GALNT14: variants seen among roughly 807,000 people sequenced by gnomAD.
GALNT14 encodes the protein polypeptide N-acetylgalactosaminyltransferase 14, also known as UDP-GalNAc:polypeptide N-acetylgalactosaminyltransferase 14.
Under a neutral mutation model 77.5 loss-of-function variants are expected in GALNT14, and 60 were observed. That is an observed-to-expected ratio of 0.77 (90% confidence interval 0.63 to 0.96). The LOEUF is 0.96. GALNT14 is among the 40% of genes least tolerant of loss of function. The probability of loss-of-function intolerance (pLI) is 0.00; values close to 1 mark genes in which losing one functional copy is unlikely to be tolerated. For synonymous variants in GALNT14, 280 were observed against 281.7 expected (o/e 0.99, Z 0.06); for missense variants, 710 against 731.0 (o/e 0.97, Z 0.33).
At chr2:31,055,298 T>C (rs1674140324) in intron 1 of GALNT14, among the ~76,000 whole-genome samples, 1 of 152,234 alleles carries the variant, frequency 6.6e-6, no homozygotes, top group South Asian at 2.1e-4. Context: ...TCATTTATCC[T>C]AATATTTTAA....
At chr2:31,030,256 G>C (rs2148478257) in intron 1 of GALNT14, among the ~76,000 whole-genome samples, 1 of 152,234 alleles carries the variant, frequency 6.6e-6, no homozygotes, top group South Asian at 2.1e-4. Flanking sequence ...GCCAGTGTAA[G>C]AAATGTCAGC....
intron 1 of GALNT14, among the ~76,000 whole-genome samples, chr2:31,057,024 C>T (rs1674251936): frequency 1.3e-5 from 2 of 152,006 alleles, no homozygotes; most frequent in Non-Finnish European, 1.5e-5. Flanking sequence ...CGAATTAACA[C>T]GGGAACAGAA....
At position 30,955,245 on chromosome 2, in the gene GALNT14, C is replaced by A. The variant is rs561334152; in HGVS notation, c.654+373G>T. On this transcript the variant is annotated intron_variant, in intron 6 of 14. Transcript: ENST00000349752. The stretch of plus-strand genomic sequence containing the variant: ...GGATGAAGCCTGGTTAAGTTTGCTG[C>A]CTCCTTTCTACAAAAGACACCCATA... Among the ~76,000 whole-genome samples, 189 of 152,246 alleles carry A rather than the reference C, an allele frequency of 1.2e-3. 1 individual carries two copies. Among genetic ancestry groups the A allele is most frequent in the Non-Finnish European group, 2.2e-3 (148 of 68,018 alleles).
intron 1 of GALNT14, among the ~76,000 whole-genome samples, chr2:31,071,533 A>G (rs568975333): frequency 6.6e-6 from 1 of 152,234 alleles, no homozygotes; most frequent in South Asian, 2.1e-4. Flanking sequence ...ACAGACAGGC[A>G]GGGCTCCACA....
chr2:30,916,546 G>A (rs541575088), intron 13 of GALNT14, among the ~76,000 whole-genome samples: 21 of 152,338 alleles, frequency 1.4e-4, no homozygotes, highest in Non-Finnish European at 2.2e-4. Flanking sequence ...CAATGAATGA[G>A]GAGGGGATCG....
intron 1 of GALNT14, among the ~76,000 whole-genome samples, chr2:31,011,157 A>AC (rs1452838962): frequency 3.9e-5 from 6 of 152,322 alleles, no homozygotes; most frequent in African/African-American, 1.2e-4. Flanking sequence ...TTGGGAAGTG[A>AC]CTTAACCTCT....
At chr2:31,006,491 C>T (rs1325380732) in intron 1 of GALNT14, among the ~76,000 whole-genome samples, 3 of 152,144 alleles carry the variant, frequency 2.0e-5, no homozygotes, top group East Asian at 1.9e-4. Flanking sequence ...ATGGTGCTAA[C>T]GTGACTTGGC....
At chr2:31,035,615 A>C (rs1357990317) in intron 1 of GALNT14, among the ~76,000 whole-genome samples, 6 of 40,218 alleles carry the variant, frequency 1.5e-4, no homozygotes, top group Non-Finnish European at 2.3e-4. Context: ...ACACACACAC[A>C]CCTACACACA....
At chr2:30,941,063 G>A (rs1666348975) in intron 9 of GALNT14, among the ~76,000 whole-genome samples, 1 of 152,200 alleles carries the variant, frequency 6.6e-6, no homozygotes, top group African/African-American at 2.4e-5. Flanking sequence ...GCAGAAACAG[G>A]AGAAAACAAT....
chr2:30,965,438 C>T (rs1667943337), intron 3 of GALNT14, among the ~76,000 whole-genome samples: 1 of 119,644 alleles, frequency 8.4e-6, no homozygotes, highest in Admixed American at 1.1e-4. Flanking sequence ...GGACAGATGA[C>T]TTCTGGAGGG....
chr2:31,043,986 G>A (rs4952034), intron 1 of GALNT14, among the ~76,000 whole-genome samples: 107,900 of 152,042 alleles, frequency 0.71, 38,744 homozygotes, highest in East Asian at 0.98. Context: ...GGAAGGCCCC[G>A]CCCTCTGTGC....
At chr2:30,977,020 C>A (rs1668672501) in intron 2 of GALNT14, among the ~76,000 whole-genome samples, 1 of 151,976 alleles carries the variant, frequency 6.6e-6, no homozygotes, top group African/African-American at 2.4e-5. Flanking sequence ...TCACGAGCTC[C>A]ACGAGAATGC....
chr2:30,984,574 C>T (rs1031015666), intron 2 of GALNT14, among the ~76,000 whole-genome samples: 6 of 152,132 alleles, frequency 3.9e-5, no homozygotes, highest in African/African-American at 1.4e-4. Context: ...GTATTCTCCT[C>T]CATTCCTCCC....
intron 1 of GALNT14, chr2:31,129,509 C>T (rs1297707848): frequency 7.1e-6 from 7 of 985,346 alleles, no homozygotes; most frequent in Non-Finnish European, 8.4e-6. Flanking sequence ...AATTGGCCAT[C>T]TATTAATAGC....
chr2:30,927,571 G>C (rs1213201083), intron 11 of GALNT14, among the ~76,000 whole-genome samples: 1 of 152,214 alleles, frequency 6.6e-6, no homozygotes, highest in Non-Finnish European at 1.5e-5. Context: ...GAGGGATGGA[G>C]ACCACAGCAG....
chr2:31,125,051 G>C, intron 1 of GALNT14: 1 of 777,222 alleles, frequency 1.3e-6, no homozygotes, highest in Non-Finnish European at 2.2e-6. Flanking sequence ...CCTGGGGTGC[G>C]CCCAGGAGCT....
intron 3 of GALNT14, among the ~76,000 whole-genome samples, chr2:30,961,281 C>T (rs992566900): frequency 3.3e-5 from 5 of 152,232 alleles, no homozygotes; most frequent in South Asian, 2.1e-4. Flanking sequence ...GTGAACTCCA[C>T]GGTGCTCTAT....
chr2:31,112,433 G>T (rs1301434368), intron 1 of GALNT14, among the ~76,000 whole-genome samples: 1 of 152,132 alleles, frequency 6.6e-6, no homozygotes, highest in Admixed American at 6.5e-5. Context: ...AAAAAGTCTT[G>T]GCTAAGATTA....
intron 1 of GALNT14, among the ~76,000 whole-genome samples, chr2:31,000,057 G>A (rs1670272513): frequency 6.6e-6 from 1 of 152,200 alleles, no homozygotes; most frequent in South Asian, 2.1e-4. Flanking sequence ...CACTGTCCAG[G>A]TGGAACAGGT....
Sources: allele counts gnomAD v4.1 joint callset (sites outside exome capture counted in the v4.1 genomes callset), GRCh38; gene constraint gnomAD v4.1.1; transcripts MANE v1.5; gene names NCBI Gene and HGNC (gene_info 2026-07-23, HGNC 2026-07-21).